The following ANO9 variants were observed in gnomAD, a reference collection of about 807,000 sequenced individuals.
ANO9 encodes anoctamin-9.
Under a neutral mutation model 100.5 loss-of-function variants are expected in ANO9, and 80 were observed. That is an observed-to-expected ratio of 0.80 (90% confidence interval 0.66 to 0.96). ANO9 has a LOEUF of 0.96. Among genes scored for constraint, ANO9 ranks in the 40% least tolerant of loss-of-function variants. ANO9 has a pLI of 0.00. For missense variants in ANO9, 1,064 were observed against 1,072.7 expected (o/e 0.99, Z 0.11); for synonymous variants, 473 against 435.6 (o/e 1.09, Z -1.07).
Position 435,790 on chromosome 11 carries a change from TATAGCATAGG to T in ANO9, c.7-1702_7-1693del, listed in dbSNP as rs531061458. ...TATGGTGTAGTCTAGTCTAGTCTAG[TATAGCATAGG>T]ATAGCATAGTATAGCATAGCATAAC... On this transcript the variant is annotated intron_variant, in intron 1 of 22. Transcript: ENST00000332826. Among the ~76,000 whole-genome samples, 32 of 151,398 alleles carry T rather than the reference TATAGCATAGG, an allele frequency of 2.1e-4. No homozygotes were observed. The South Asian group carries it at 5.2e-3, about 25-fold the overall frequency.
Position 420,964 on chromosome 11 carries a change from A to G in ANO9, c.1471T>C (p.Cys491Arg). 6.2e-7 allele frequency: 1 copy of G among 1,605,940 alleles called. No individual in the cohort carries two copies. The highest frequency in any genetic ancestry group is 8.5e-7 in the Non-Finnish European group (1 of 1,175,266). Residue 491 changes from cysteine (C) to arginine (R), a missense_variant, in exon 17 of 23, where the codon TGC becomes CGC. Coordinates refer to ENST00000332826, the MANE Select transcript of ANO9 (RefSeq NM_001012302.3). ...IMGLKQTLSN[C>R]VEYLVPWVTH... Reference sequence around the variant, plus strand: ...ACTCACGGGACCAGGTACTCGACGCAGTTGCTGAGCGTCTGCTTCAGGCCC... The same window carrying G: ...ACTCACGGGACCAGGTACTCGACGCGGTTGCTGAGCGTCTGCTTCAGGCCC...
intron 19 of ANO9, 39 bp from the exon 20 acceptor site, chr11:419,768 C>T (rs1564902942): frequency 1.2e-6 from 2 of 1,603,774 alleles, no homozygotes; most frequent in Admixed American, 1.7e-5. Context: ...GACTCAGCGT[C>T]CCTCGGCTGG....
intron 1 of ANO9, among the ~76,000 whole-genome samples, chr11:436,963 G>A (rs1292297653): frequency 1.2e-5 from 1 of 82,522 alleles, no homozygotes; most frequent in Non-Finnish European, 2.4e-5. Flanking sequence ...GGTGAGCAGG[G>A]GGTGAGCAGG....
In ANO9 at chr11:432,619, C is replaced by T. The variant is rs1849109130; in HGVS notation, c.351-565G>A. 1 of 157,322 alleles carries T rather than the reference C, an allele frequency of 6.4e-6. No individual in the cohort carries two copies. Among genetic ancestry groups the T allele is most frequent in the Non-Finnish European group, 1.4e-5 (1 of 71,340 alleles). 9.7% of individuals were successfully genotyped at this position (157,322 alleles called of 1,614,324 possible). A position where few individuals can be genotyped will look rare whatever the true frequency, so the allele number is the denominator to read the frequency against. ...CGTCGCAGGTATGCGCCCCCCAAGC[C>T]TGCTCCCGTCAGCCCCCTCAAGCCA... On this transcript the variant is annotated intron_variant, in intron 4 of 22. Coordinates refer to ENST00000332826, the MANE Select transcript of ANO9 (RefSeq NM_001012302.3). This position sits in a 1 kb window ranked among gnomAD's most constrained non-coding sequence, Gnocchi z 4.8.
At chr11:441,845 G>A (rs1236948707) in intron 1 of ANO9, 76 bp downstream of exon 1, 8 of 1,551,826 alleles carry the variant, frequency 5.2e-6, no homozygotes, top group African/African-American at 1.4e-5. Context: ...CTGGCGGGGG[G>A]CTGGGGCCGG....
rs768206474 is a variant in ANO9, at chr11:420,847, T to G, written c.1504A>C (p.Lys502Gln). The change falls in exon 18 of 23, where the codon AAG becomes CAG. Residue 502 changes from lysine (K) to glutamine (Q), a missense_variant. Transcript: ENST00000332826. ...VEYLVPWVTH[K>Q]CRSLRASESG... ...TCGGAGGCCCGCAGAGAGCGGCACTTGTGGGTCACCCACCTGCGGGGAGAG... is the reference window on the plus strand; with the variant it reads ...TCGGAGGCCCGCAGAGAGCGGCACTGGTGGGTCACCCACCTGCGGGGAGAG... 4.9e-5 allele frequency: 78 copies of G among 1,591,320 alleles called. No homozygotes were observed. The highest frequency in any genetic ancestry group is 6.1e-5 in the Non-Finnish European group (72 of 1,172,604).
intron 15 of ANO9, among the ~76,000 whole-genome samples, chr11:426,100 A>G (rs976162564): frequency 2.0e-5 from 3 of 152,198 alleles, no homozygotes; most frequent in Non-Finnish European, 4.4e-5. Context: ...TCAAGATGGA[A>G]CATATAGTTT....
chr11:426,943 C>A (rs1848553865), intron 15 of ANO9, among the ~76,000 whole-genome samples: 1 of 152,242 alleles, frequency 6.6e-6, no homozygotes, highest in Non-Finnish European at 1.5e-5. Flanking sequence ...CCAACCCCAG[C>A]TGGCCTCCCA....
chr11:423,971 C>T (rs987295877), intron 15 of ANO9, among the ~76,000 whole-genome samples: 10 of 151,636 alleles, frequency 6.6e-5, no homozygotes, highest in South Asian at 2.1e-4. Context: ...CGCAATGGTG[C>T]GATTTCAGTT....
Position 418,332 on chromosome 11 carries a change from C to T in ANO9, c.*39G>A, listed in dbSNP as rs769771989. The T allele has an allele frequency of 1.3e-6, 2 of 1,522,236 alleles. No individual in the cohort carries two copies. The highest frequency in any genetic ancestry group is 1.8e-6 in the Non-Finnish European group (2 of 1,133,360). The allele number at this position is 1,522,236 out of a possible 1,614,324, so 94.3% of individuals were successfully genotyped here. A position where few individuals can be genotyped will look rare whatever the true frequency, so the allele number is the denominator to read the frequency against. On this transcript the variant is annotated 3_prime_UTR_variant, in exon 23 of 23. Transcript: ENST00000332826. Reference sequence around the variant, plus strand: ...CTTGTGGGAGGTGCTGGTGGTGGCACTGTCTCAGCTCCTGGTGGCCTCTGG... The same window carrying T: ...CTTGTGGGAGGTGCTGGTGGTGGCATTGTCTCAGCTCCTGGTGGCCTCTGG...
At chr11:426,966 C>T (rs1202282125) in intron 15 of ANO9, among the ~76,000 whole-genome samples, 2 of 152,194 alleles carry the variant, frequency 1.3e-5, no homozygotes, top group African/African-American at 4.8e-5. Flanking sequence ...ACATAGACAG[C>T]GTCCTTCTGC....
rs1848131621 is a variant in ANO9, at chr11:420,812, G to A, written c.1539C>T (p.His513=). The A allele has an allele frequency of 1.3e-6, 2 of 1,594,572 alleles. No individual in the cohort carries two copies. The highest frequency in any genetic ancestry group is 1.7e-6 in the Non-Finnish European group (2 of 1,173,958). The change falls in exon 18 of 23, where the codon CAC becomes CAT. Residue 513 remains histidine (H), a synonymous_variant. Transcript: ENST00000332826. ...CCCTGAGCTCGGGGTCCCGGGGCAG[G>A]TGCCCGGACTCGGAGGCCCGCAGAG... is the stretch of plus-strand genomic sequence containing the variant. ...CRSLRASESG[H]LPRDPELRDW...
Position 419,687 on chromosome 11 carries a change from AC to A in ANO9, c.1828del (p.Val610SerfsTer28), listed in dbSNP as rs1237205311. On this transcript the variant is annotated frameshift_variant, in exon 20 of 23. Coordinates refer to ENST00000332826, the MANE Select transcript of ANO9 (RefSeq NM_001012302.3). LOFTEE classifies it high-confidence loss of function. ...GGCAATGACCATCCCATTGGCAATGACCGCCAGCACACCGATGGTCTCCAGC... is the reference window on the plus strand; with the variant it reads ...GGCAATGACCATCCCATTGGCAATGACGCCAGCACACCGATGGTCTCCAGC... ...QVLETIGVLA[V>X]IANGMVIAFT... 1 of 1,609,316 alleles carries A rather than the reference AC, an allele frequency of 6.2e-7. No homozygotes were observed. The highest frequency in any genetic ancestry group is 1.1e-5 in the South Asian group (1 of 91,072).
chr11:418,199 G>A lies in ANO9; in HGVS notation c.*172C>T, dbSNP rs1847957797. 3 of 675,056 alleles carry A rather than the reference G, an allele frequency of 4.4e-6. No individual in the cohort carries two copies. The highest frequency in any genetic ancestry group is 3.0e-5 in the Admixed American group (1 of 32,942). 41.8% of individuals were successfully genotyped at this position (675,056 alleles called of 1,614,324 possible). ...GCCTGAGAGCCCCCACAAAGACGGA[G>A]CAGGCGGAATAGGGTGGCAGCTCAC... On this transcript the variant is annotated 3_prime_UTR_variant, in exon 23 of 23. Transcript: ENST00000332826.
At chr11:418,629 C>T (rs1245448944) in intron 22 of ANO9, 40 bp from the exon 23 acceptor site, 1 of 1,611,024 alleles carries the variant, frequency 6.2e-7, no homozygotes, top group East Asian at 2.2e-5. Flanking sequence ...GGTCAGGTGC[C>T]AGCTGGCATT....
rs771526322 is a variant in ANO9 at position 418,763 on chromosome 11, C to A, written c.2087G>T (p.Trp696Leu). Residue 696 changes from tryptophan (W) to leucine (L), a missense_variant, in exon 22 of 23, where the codon TGG becomes TTG. Trp to Leu is a moderately conservative substitution (Grantham distance 61, BLOSUM62 -2). Coordinates refer to ENST00000332826, the MANE Select transcript of ANO9 (RefSeq NM_001012302.3). Reference sequence around the variant, plus strand: ...GGCCAGGCGGATGGCCAGGAGGAACCAGAACTGCTCGGAGAAGTTGTAATC... The same window carrying A: ...GGCCAGGCGGATGGCCAGGAGGAACAAGAACTGCTCGGAGAAGTTGTAATC... ...PPDYNFSEQF[W>L]FLLAIRLAFV... 1.9e-6 allele frequency: 3 copies of A among 1,613,118 alleles called. No homozygotes were observed. Among genetic ancestry groups the A allele is most frequent in the Non-Finnish European group, 2.5e-6 (3 of 1,180,002 alleles).
At chr11:428,319 C>T (rs757483512) in intron 14 of ANO9, 39 bp downstream of exon 14, 92 of 1,611,368 alleles carry the variant, frequency 5.7e-5, no homozygotes, top group Non-Finnish European at 7.2e-5. Context: ...TGAGTCCTCC[C>T]GCCGGGTCCC....
In ANO9 at chr11:432,433, G is replaced by A; in HGVS notation, c.351-379C>T. 1 of 289,600 alleles carries A rather than the reference G, an allele frequency of 3.5e-6. No individual in the cohort carries two copies. Among genetic ancestry groups the A allele is most frequent in the East Asian group, 7.9e-5 (1 of 12,628 alleles). 17.9% of individuals were successfully genotyped at this position (289,600 alleles called of 1,614,324 possible). On this transcript the variant is annotated intron_variant, in intron 4 of 22. Coordinates refer to ENST00000332826, the MANE Select transcript of ANO9 (RefSeq NM_001012302.3). This position sits in a 1 kb window ranked among gnomAD's most constrained non-coding sequence, Gnocchi z 4.8. The stretch of plus-strand genomic sequence containing the variant: ...GCACACACCCTCCTTATACCCTGGA[G>A]CTGTTCTGTTCCACTGTGCAGAGCA...
intron 1 of ANO9, 67 bp downstream of exon 1, chr11:441,854 G>T: frequency 1.9e-6 from 3 of 1,558,426 alleles, no homozygotes; most frequent in Middle Eastern, 3.9e-4. Flanking sequence ...GGCTGGGGCC[G>T]GGGGCCCCAG....
Sources: allele counts gnomAD v4.1 joint callset (sites outside exome capture counted in the v4.1 genomes callset), GRCh38; gene constraint gnomAD v4.1.1; non-coding constraint Gnocchi (gnomAD v3.1); transcripts MANE v1.5; gene names NCBI Gene and HGNC (gene_info 2026-07-23, HGNC 2026-07-21).